The following FBXO11 variants were observed in gnomAD, a reference collection of about 807,000 sequenced individuals.
FBXO11 encodes F-box protein 11.
FBXO11 carries 13 observed loss-of-function variants against 117.0 expected under a neutral mutation model. The ratio of observed to expected loss-of-function variants is 0.11; its 90% CI spans 0.07 to 0.18. The LOEUF (loss-of-function observed/expected upper bound fraction) is 0.18, where lower values mean the gene tolerates loss of function less well. FBXO11 is among the 10% of genes least tolerant of loss of function. The probability of loss-of-function intolerance (pLI) is 1.00; values close to 1 mark genes in which losing one functional copy is unlikely to be tolerated. For missense variants in FBXO11, 767 were observed against 1,164.4 expected (o/e 0.66, Z 4.97); for synonymous variants, 490 against 380.5 (o/e 1.29, Z -3.35).
chr2:47,866,456 A>G (rs1675202635), intron 1 of FBXO11, among the ~76,000 whole-genome samples: 1 of 151,662 alleles, frequency 6.6e-6, no homozygotes, highest in Non-Finnish European at 1.5e-5. Context: ...TGTTACACAT[A>G]TCTACGCTAG....
At position 47,807,022 on chromosome 2, in the gene FBXO11, A is replaced by AT; in HGVS notation, c.*1095dup. ...CTTATCTACCTTCTACATAATGGTT[A>AT]TTGAATACTCCACAATATATTAAGT... is the stretch of plus-strand genomic sequence containing the variant. On this transcript the variant is annotated 3_prime_UTR_variant, in exon 23 of 23. Coordinates refer to ENST00000403359, the MANE Select transcript of FBXO11 (RefSeq NM_001190274.2). The AT allele has an allele frequency of 1.5e-6, 1 of 651,822 alleles. No homozygotes were observed. Among genetic ancestry groups the AT allele is most frequent in the Non-Finnish European group, 2.7e-6 (1 of 370,140 alleles). The allele number at this position is 651,822 out of a possible 1,614,324, so 40.4% of individuals were successfully genotyped here.
chr2:47,846,411 G>C (rs963115080), intron 1 of FBXO11, among the ~76,000 whole-genome samples: 3 of 152,180 alleles, frequency 2.0e-5, no homozygotes, highest in African/African-American at 7.2e-5. Context: ...CGGCTGCGAT[G>C]AGCGGAGATC....
Position 47,855,349 on chromosome 2 carries a change from G to A in FBXO11, c.233-15580C>T, listed in dbSNP as rs549280700. Among the ~76,000 whole-genome samples, 13 of 152,038 alleles carry A rather than the reference G, an allele frequency of 8.6e-5. No individual in the cohort carries two copies. In the South Asian group the frequency reaches 2.1e-3, roughly 24 times the overall value. On this transcript the variant is annotated intron_variant, in intron 1 of 22. Coordinates refer to ENST00000403359, the MANE Select transcript of FBXO11 (RefSeq NM_001190274.2). The stretch of plus-strand genomic sequence containing the variant: ...TCCTTAAGTAGCTGGGACCAAAGGC[G>A]CACATTTGTTTTTTGCAGAGATGGG...
chr2:47,819,443 T>C (rs952088726), intron 14 of FBXO11, among the ~76,000 whole-genome samples: 4 of 152,204 alleles, frequency 2.6e-5, no homozygotes, highest in Non-Finnish European at 4.4e-5. Flanking sequence ...CTTGAACTCC[T>C]GACCTCGTGA....
chr2:47,843,704 T>G (rs1673187611), intron 1 of FBXO11, among the ~76,000 whole-genome samples: 1 of 152,102 alleles, frequency 6.6e-6, no homozygotes, highest in Admixed American at 6.6e-5. Context: ...AATTTCTTAC[T>G]TTTATGGATT....
chr2:47,808,553 G>T, intron 21 of FBXO11, 126 bp from the exon 22 acceptor site: 1 of 699,048 alleles, frequency 1.4e-6, no homozygotes, highest in Non-Finnish European at 2.2e-6. Context: ...TGTGGCTCCA[G>T]CCCAGATTAA....
chr2:47,897,106 A>G (rs144729730), intron 1 of FBXO11, among the ~76,000 whole-genome samples: 5 of 152,326 alleles, frequency 3.3e-5, no homozygotes, highest in Non-Finnish European at 7.3e-5. Context: ...CCATCTCAAT[A>G]TATAACAAGG....
intron 1 of FBXO11, among the ~76,000 whole-genome samples, chr2:47,857,518 G>A (rs1674398762): frequency 6.6e-6 from 1 of 152,092 alleles, no homozygotes; most frequent in South Asian, 2.1e-4. Flanking sequence ...AAAATAAGAT[G>A]CTGTATCTGC....
At chr2:47,821,503 G>A (rs955248893) in intron 13 of FBXO11, among the ~76,000 whole-genome samples, 7 of 152,080 alleles carry the variant, frequency 4.6e-5, no homozygotes, top group African/African-American at 1.2e-4. Context: ...CCAGCTACTT[G>A]GGAGGCTGCG....
chr2:47,898,359 T>C (rs930147469), intron 1 of FBXO11, among the ~76,000 whole-genome samples: 1 of 152,174 alleles, frequency 6.6e-6, no homozygotes, highest in Non-Finnish European at 1.5e-5. Context: ...AAGCTACACA[T>C]ATAAGAAACA....
intron 1 of FBXO11, among the ~76,000 whole-genome samples, chr2:47,885,017 T>C (rs1175646822): frequency 6.6e-6 from 1 of 152,130 alleles, no homozygotes; most frequent in African/African-American, 2.4e-5. Flanking sequence ...CCAAACAGTA[T>C]TATAAAGAAA....
chr2:47,874,071 G>A (rs575566992), intron 1 of FBXO11, among the ~76,000 whole-genome samples: 6 of 152,122 alleles, frequency 3.9e-5, no homozygotes, highest in South Asian at 2.1e-4. Context: ...AAAATTAGCC[G>A]ACTATGGTGG....
intron 1 of FBXO11, among the ~76,000 whole-genome samples, chr2:47,855,694 T>C (rs780469633): frequency 6.2e-4 from 94 of 152,046 alleles, no homozygotes; most frequent in Admixed American, 6.6e-4. Context: ...CAGCCAGGCA[T>C]GGTGGTGCAT....
At position 47,807,748 on chromosome 2, in the gene FBXO11, A is replaced by G; in HGVS notation, c.*370T>C. 1 of 246,046 alleles carries G rather than the reference A, an allele frequency of 4.1e-6. No homozygotes were observed. The highest frequency in any genetic ancestry group is 1.4e-4 in the South Asian group (1 of 7,056). The allele number at this position is 246,046 out of a possible 1,614,324, so 15.2% of individuals were successfully genotyped here. A position where few individuals can be genotyped will look rare whatever the true frequency, so the allele number is the denominator to read the frequency against. Reference sequence around the variant, plus strand: ...ACAAAAGCAATTGGTACCCATGTCCATAAAGGCAGCAACAAAGCTGCTTGT... The same window carrying G: ...ACAAAAGCAATTGGTACCCATGTCCGTAAAGGCAGCAACAAAGCTGCTTGT... On this transcript the variant is annotated 3_prime_UTR_variant, in exon 23 of 23. Transcript: ENST00000403359.
chr2:47,876,603 G>A (rs1387554615), intron 1 of FBXO11, among the ~76,000 whole-genome samples: 1 of 152,176 alleles, frequency 6.6e-6, no homozygotes, highest in Non-Finnish European at 1.5e-5. Context: ...CACTGTTCTG[G>A]TAAATACGTT....
At chr2:47,818,639 G>A in intron 16 of FBXO11, 140 bp downstream of exon 16, 2 of 646,854 alleles carry the variant, frequency 3.1e-6, no homozygotes, top group Non-Finnish European at 5.3e-6. Flanking sequence ...GACAATTTAA[G>A]TCAAGATTAT....
intron 1 of FBXO11, among the ~76,000 whole-genome samples, chr2:47,841,018 G>A (rs1366157949): frequency 6.6e-6 from 1 of 151,990 alleles, no homozygotes; most frequent in Admixed American, 6.6e-5. Flanking sequence ...AAAACACAGT[G>A]AAACCCCATC....
chr2:47,896,851 A>G (rs757555448), intron 1 of FBXO11, among the ~76,000 whole-genome samples: 5 of 152,190 alleles, frequency 3.3e-5, no homozygotes, highest in Non-Finnish European at 7.4e-5. Context: ...TTACCATAAG[A>G]ACACTTTGCT....
At chr2:47,897,922 T>C (rs1677798537) in intron 1 of FBXO11, among the ~76,000 whole-genome samples, 1 of 152,282 alleles carries the variant, frequency 6.6e-6, no homozygotes, top group East Asian at 1.9e-4. Context: ...AAAAGCTCTC[T>C]TCACACAAAA....
Sources: gnomAD v4.1 joint callset for allele counts (sites outside exome capture counted in the v4.1 genomes callset) on GRCh38, gnomAD v4.1.1 for gene constraint, MANE v1.5 for transcripts, NCBI Gene and HGNC (gene_info 2026-07-23, HGNC 2026-07-21) for gene names.